Variants in HNRNPUL1 observed in about 807,000 individuals in gnomAD.
HNRNPUL1 encodes heterogeneous nuclear ribonucleoprotein U-like protein 1.
A neutral mutation model predicts 108.5 loss-of-function variants in HNRNPUL1; 14 were observed. That is an observed-to-expected ratio of 0.13 (90% CI 0.09 to 0.20). HNRNPUL1 has a LOEUF of 0.20. HNRNPUL1 is among the 10% of genes least tolerant of loss of function. The pLI is 1.00. For missense variants in HNRNPUL1, 804 were observed against 1,168.3 expected (o/e 0.69, Z 4.55); for synonymous variants, 422 against 445.2 (o/e 0.95, Z 0.66).
chr19:41,268,369 C>G, intron 2 of HNRNPUL1, 24 bp downstream of exon 2: 1 of 1,610,270 alleles, frequency 6.2e-7, no homozygotes, highest in Non-Finnish European at 8.5e-7. Flanking sequence ...CATGGTTCAT[C>G]TCTTTGGATG....
At chr19:41,289,215 T>G (rs773561124) in intron 7 of HNRNPUL1, among the ~76,000 whole-genome samples, 9 of 152,216 alleles carry the variant, frequency 5.9e-5, no homozygotes, top group Admixed American at 2.6e-4. Context: ...TTATATAGTT[T>G]TCTTTGTTCA....
At position 41,304,084 on chromosome 19, in the gene HNRNPUL1, GCCGCCACCACAGCAGCCT is replaced by G. The variant is rs1257742924; in HGVS notation, c.2099_2116del (p.Gln700_Gln705del). On this transcript the variant is annotated inframe_deletion, in exon 13 of 15. Coordinates refer to ENST00000392006, the MANE Select transcript of HNRNPUL1 (RefSeq NM_007040.6). ...GCTACAACCGGGCTCCCCAGCAACA[GCCGCCACCACAGCAGCCT>G]CCGCCACCACAGCCACCACCCCAGC... The G allele has an allele frequency of 1.2e-6, 2 of 1,613,032 alleles. No individual in the cohort carries two copies. The highest frequency in any genetic ancestry group is 1.7e-6 in the Non-Finnish European group (2 of 1,179,230).
rs1231946314 is a variant in HNRNPUL1 at position 41,304,127 on chromosome 19, C to G, written c.2128C>G (p.Gln710Glu). ...TCCGCCACCACAGCCACCACCCCAG[C>G]AGCCACCGCCACCACCCAGCTACAG... ...QPPPPQPPPQQPPPPPSYSPA... is the reference protein window; with the variant it reads ...QPPPPQPPPQEPPPPPSYSPA... The change falls in exon 13 of 15, where the codon CAG becomes GAG. Residue 710 changes from glutamine to glutamate, a missense_variant. Around this residue, in one of 4 missense-constraint regions of HNRNPUL1, gnomAD observed 294 missense variants for 388.3 expected, o/e 0.76. Coordinates refer to ENST00000392006, the MANE Select transcript of HNRNPUL1 (RefSeq NM_007040.6). 1.9e-6 allele frequency: 3 copies of G among 1,613,716 alleles called. No homozygotes were observed. The highest frequency in any genetic ancestry group is 1.3e-5 in the African/African-American group (1 of 74,890).
At chr19:41,285,222 C>T (rs1301134080) in intron 7 of HNRNPUL1, among the ~76,000 whole-genome samples, 5 of 152,116 alleles carry the variant, frequency 3.3e-5, no homozygotes, top group Non-Finnish European at 5.9e-5. Context: ...TCCCAGGCAT[C>T]ATTAAGGTAT....
chr19:41,294,186 C>T lies in HNRNPUL1; in HGVS notation c.1267-152C>T, dbSNP rs773081722. ...TGACAAGCCTGATCTTTTTGAATCC[C>T]GATACCAGTACTGTGAGGTAGATGG... On this transcript the variant is annotated intron_variant, in intron 8 of 14. Transcript: ENST00000392006. This position sits in a 1 kb window ranked among gnomAD's most constrained non-coding sequence, Gnocchi z 4.3. 113 of 772,102 alleles carry T rather than the reference C, an allele frequency of 1.5e-4. No individual in the cohort carries two copies. Among genetic ancestry groups the T allele is most frequent in the Non-Finnish European group, 1.2e-4 (58 of 479,930 alleles). 47.8% of individuals were successfully genotyped at this position (772,102 alleles called of 1,614,324 possible). A position where few individuals can be genotyped will look rare whatever the true frequency, so the allele number is the denominator to read the frequency against.
intron 7 of HNRNPUL1, among the ~76,000 whole-genome samples, chr19:41,288,805 C>T (rs921141311): frequency 3.3e-5 from 5 of 152,172 alleles, no homozygotes; most frequent in African/African-American, 1.2e-4. Flanking sequence ...ATAAATGCGG[C>T]TTGTCTTTTT....
upstream of HNRNPUL1, chr19:41,264,266 T>C: frequency 2.6e-6 from 1 of 384,320 alleles, no homozygotes; most frequent in Non-Finnish European, 4.6e-6. Flanking sequence ...GGCGCTCTGA[T>C]TGGCTAGGTT....
intron 10 of HNRNPUL1, among the ~76,000 whole-genome samples, chr19:41,295,501 A>G (rs574153617): frequency 6.6e-5 from 10 of 152,356 alleles, no homozygotes; most frequent in South Asian, 4.1e-4. Flanking sequence ...TGCCTATGCA[A>G]CGTCATTGCC....
chr19:41,288,072 CA>C (rs913427887), intron 7 of HNRNPUL1, among the ~76,000 whole-genome samples: 6 of 149,286 alleles, frequency 4.0e-5, no homozygotes, highest in Admixed American at 6.7e-5. Context: ...ATAGGGTTTC[CA>C]AAAAAAAATC....
At chr19:41,263,526 AAGGGGAGGCC>A (rs1396696817), upstream of HNRNPUL1, among the ~76,000 whole-genome samples, 1 of 152,166 alleles carries the variant, frequency 6.6e-6, no homozygotes. Context: ...TACCCAAGGG[AAGGGGAGGCC>A]GTGTCCTTTA....
At chr19:41,265,457 G>T in intron 1 of HNRNPUL1, 1 of 1,293,458 alleles carries the variant, frequency 7.7e-7, no homozygotes, top group South Asian at 1.5e-5. Flanking sequence ...GCGGGAGATT[G>T]AACTAGGGGG....
intron 2 of HNRNPUL1, among the ~76,000 whole-genome samples, chr19:41,269,905 C>G (rs1346617867): frequency 1.3e-5 from 2 of 151,962 alleles, no homozygotes; most frequent in African/African-American, 4.8e-5. Flanking sequence ...TCAAGACCAG[C>G]CTGGGCAACA....
At chr19:41,285,677 A>G (rs954660699) in intron 7 of HNRNPUL1, among the ~76,000 whole-genome samples, 1 of 152,162 alleles carries the variant, frequency 6.6e-6, no homozygotes, top group Non-Finnish European at 1.5e-5. Flanking sequence ...GTTAGGAAAT[A>G]CCTTTCCAAT....
At chr19:41,303,004 G>A in intron 12 of HNRNPUL1, 55 bp downstream of exon 12, 9 of 1,486,914 alleles carry the variant, frequency 6.1e-6, no homozygotes, top group Non-Finnish European at 8.1e-6. Context: ...TTGGGGCTGG[G>A]CTTTGACTGC....
At chr19:41,286,305 C>T (rs568611538) in intron 7 of HNRNPUL1, 2 of 152,046 alleles carry the variant, frequency 1.3e-5, no homozygotes, top group South Asian at 4.2e-4. Context: ...GTGGACCTGC[C>T]CAGCTTGAAG....
At chr19:41,293,091 A>C (rs2036685409) in intron 8 of HNRNPUL1, among the ~76,000 whole-genome samples, 1 of 152,248 alleles carries the variant, frequency 6.6e-6, no homozygotes, top group African/African-American at 2.4e-5. Flanking sequence ...CAGAGCTATC[A>C]AAAGATAAAT....
At chr19:41,263,351 G>T (rs1237627808), upstream of HNRNPUL1, among the ~76,000 whole-genome samples, 1 of 152,196 alleles carries the variant, frequency 6.6e-6, no homozygotes, top group Non-Finnish European at 1.5e-5. Flanking sequence ...GAGCTTGTCG[G>T]TACAGACGCC....
At chr19:41,299,220 C>T (rs980982923) in intron 10 of HNRNPUL1, among the ~76,000 whole-genome samples, 2 of 152,180 alleles carry the variant, frequency 1.3e-5, no homozygotes, top group African/African-American at 2.4e-5. Flanking sequence ...GTGTGCCTGT[C>T]ACCCACATGA....
chr19:41,267,960 G>T, intron 1 of HNRNPUL1: 1 of 309,640 alleles, frequency 3.2e-6, no homozygotes, highest in Non-Finnish European at 6.0e-6. Flanking sequence ...GTACTACTTT[G>T]TAGCCTTCAA....
Sources: gnomAD v4.1 joint callset for allele counts (sites outside exome capture counted in the v4.1 genomes callset) on GRCh38, gnomAD v4.1.1 for gene constraint, gnomAD v4.1.1 regional missense constraint, Gnocchi (gnomAD v3.1) non-coding constraint, MANE v1.5 for transcripts, NCBI Gene and HGNC (gene_info 2026-07-23, HGNC 2026-07-21) for gene names.